The following TMEM163 variants were observed in gnomAD, a reference collection of about 807,000 sequenced individuals.
The protein encoded by TMEM163 is transmembrane protein 163.
In TMEM163, 17 loss-of-function variants were observed where a neutral mutation model predicts 29.3. The ratio of observed to expected loss-of-function variants is 0.58; its 90% CI spans 0.40 to 0.87. The LOEUF (loss-of-function observed/expected upper bound fraction) is 0.87. Ranked by LOEUF, TMEM163 falls within the 40% of genes least tolerant of loss-of-function variation. The pLI, the probability that TMEM163 is intolerant of heterozygous loss-of-function variation, is 0.00. For synonymous variants in TMEM163, 157 were observed against 160.6 expected, an observed-to-expected ratio of 0.98 and a Z score of 0.17; for missense variants, 303 against 381.5, an observed-to-expected ratio of 0.79 and a Z score of 1.71.
chr2:134,584,499 T>C (rs963953026), intron 2 of TMEM163, among the ~76,000 whole-genome samples: 1 of 151,994 alleles, frequency 6.6e-6, no homozygotes, highest in Non-Finnish European at 1.5e-5. Flanking sequence ...ATGTGAAAAA[T>C]CACAGGTGAA....
intron 2 of TMEM163, among the ~76,000 whole-genome samples, chr2:134,634,902 C>G (rs1054606549): frequency 6.6e-6 from 1 of 152,248 alleles, no homozygotes. Flanking sequence ...ATCCCTAACT[C>G]TAGAATAGTT....
At chr2:134,556,555 C>G (rs1484286716) in intron 2 of TMEM163, among the ~76,000 whole-genome samples, 1 of 152,192 alleles carries the variant, frequency 6.6e-6, no homozygotes, top group Non-Finnish European at 1.5e-5. Flanking sequence ...AGTGGTGGCT[C>G]ACACCTATAA....
chr2:134,460,082 C>CG lies in TMEM163; in HGVS notation c.668-1910_668-1909insC, dbSNP rs369851123. Among the ~76,000 whole-genome samples, 4 of 148,774 alleles carry CG rather than the reference C, an allele frequency of 2.7e-5. No homozygotes were observed. The highest frequency in any genetic ancestry group is 2.1e-4 in the East Asian group (1 of 4,670). The stretch of plus-strand genomic sequence containing the variant: ...AGCCCCTTGCCAGATGTTACCCCCC[C>CG]CCAAATTCATTCTCACTCTCCCCGC... On this transcript the variant is annotated intron_variant, in intron 6 of 7. Transcript: ENST00000281924. The surrounding 1 kb of genome is among the most constrained non-coding windows in gnomAD (Gnocchi z 4.3).
intron 2 of TMEM163, among the ~76,000 whole-genome samples, chr2:134,669,744 G>C (rs1354677600): frequency 6.6e-6 from 1 of 152,224 alleles, no homozygotes; most frequent in Non-Finnish European, 1.5e-5. Flanking sequence ...GCTTCCACCT[G>C]GTTGGCTCTT....
At chr2:134,534,678 C>G (rs1190283830) in intron 4 of TMEM163, among the ~76,000 whole-genome samples, 1 of 151,972 alleles carries the variant, frequency 6.6e-6, no homozygotes, top group African/African-American at 2.4e-5. Context: ...CGCTTGAACC[C>G]GGGAAGTGGA....
chr2:134,457,902 G>A (rs182004048), intron 7 of TMEM163, 130 bp downstream of exon 7: 863 of 1,438,916 alleles, frequency 6.0e-4, no homozygotes, highest in Admixed American at 1.2e-3. Flanking sequence ...CCTGACACTG[G>A]TCAGGCTCAG....
At chr2:134,471,383 G>A (rs932596668) in intron 5 of TMEM163, among the ~76,000 whole-genome samples, 7 of 152,016 alleles carry the variant, frequency 4.6e-5, no homozygotes, top group East Asian at 1.9e-4. Context: ...CCCCACCACC[G>A]ACGTGCACCA....
intron 2 of TMEM163, among the ~76,000 whole-genome samples, chr2:134,622,709 C>T (rs1310133975): frequency 1.1e-4 from 16 of 152,196 alleles, no homozygotes; most frequent in African/African-American, 3.6e-4. Context: ...GCTAAATGGT[C>T]ATTGTGGATA....
intron 5 of TMEM163, among the ~76,000 whole-genome samples, chr2:134,485,236 G>A (rs1240933692): frequency 1.3e-5 from 2 of 152,192 alleles, no homozygotes; most frequent in African/African-American, 4.8e-5. Context: ...CTGATAGTTG[G>A]TCAAAATCAT....
chr2:134,631,124 T>C (rs1399734848), intron 2 of TMEM163, among the ~76,000 whole-genome samples: 1 of 152,184 alleles, frequency 6.6e-6, no homozygotes, highest in African/African-American at 2.4e-5. Flanking sequence ...CTAATGCTTC[T>C]AATAAAAAGG....
At chr2:134,625,490 G>C (rs570584907) in intron 2 of TMEM163, among the ~76,000 whole-genome samples, 4 of 152,168 alleles carry the variant, frequency 2.6e-5, no homozygotes, top group Non-Finnish European at 5.9e-5. Context: ...CAAGTCATAC[G>C]CAGTTCTGAG....
intron 2 of TMEM163, among the ~76,000 whole-genome samples, chr2:134,616,514 A>G (rs1441184934): frequency 6.6e-6 from 1 of 152,250 alleles, no homozygotes; most frequent in East Asian, 1.9e-4. Flanking sequence ...TACATTTCCA[A>G]AACCCCCAGT....
At chr2:134,617,252 C>T (rs1480136817) in intron 2 of TMEM163, among the ~76,000 whole-genome samples, 5 of 152,086 alleles carry the variant, frequency 3.3e-5, no homozygotes, top group African/African-American at 1.2e-4. Context: ...GATTATGATA[C>T]ACTAAAATGC....
At chr2:134,623,869 C>G (rs958350282) in intron 2 of TMEM163, among the ~76,000 whole-genome samples, 3 of 152,152 alleles carry the variant, frequency 2.0e-5, no homozygotes, top group African/African-American at 7.2e-5. Context: ...TAGCCTCTGA[C>G]CCCGAATTTA....
At chr2:134,681,786 G>A (rs1684254582) in intron 2 of TMEM163, among the ~76,000 whole-genome samples, 1 of 152,174 alleles carries the variant, frequency 6.6e-6, no homozygotes, top group Non-Finnish European at 1.5e-5. Flanking sequence ...TCACCAACAA[G>A]CACCTTCTTC....
intron 4 of TMEM163, among the ~76,000 whole-genome samples, chr2:134,508,038 A>G (rs184177884): frequency 6.6e-6 from 1 of 152,340 alleles, no homozygotes; most frequent in African/African-American, 2.4e-5. Context: ...TAGAAGCATC[A>G]GTTTTTGATT....
intron 4 of TMEM163, among the ~76,000 whole-genome samples, chr2:134,546,298 C>A (rs1437429593): frequency 6.6e-6 from 1 of 152,118 alleles, no homozygotes. Context: ...AAATGTCCAT[C>A]GATGGATGAA....
intron 2 of TMEM163, among the ~76,000 whole-genome samples, chr2:134,691,700 C>T (rs1491002935): frequency 6.6e-6 from 1 of 152,192 alleles, no homozygotes; most frequent in South Asian, 2.1e-4. Context: ...AACCTGGCTT[C>T]CTTGTTTACC....
chr2:134,639,619 C>T (rs1683184282), intron 2 of TMEM163, among the ~76,000 whole-genome samples: 1 of 152,174 alleles, frequency 6.6e-6, no homozygotes, highest in African/African-American at 2.4e-5. Flanking sequence ...TTTTGTGTAA[C>T]CTTATCCATG....
Sources: gnomAD v4.1 joint callset for allele counts (sites outside exome capture counted in the v4.1 genomes callset) on GRCh38, gnomAD v4.1.1 for gene constraint, Gnocchi (gnomAD v3.1) non-coding constraint, MANE v1.5 for transcripts, NCBI Gene and HGNC (gene_info 2026-07-23, HGNC 2026-07-21) for gene names.